The following PARD3B variants were observed in gnomAD, a reference collection of about 807,000 sequenced individuals.
The protein encoded by PARD3B is partitioning defective 3 homolog B.
Under a neutral mutation model 130.2 loss-of-function variants are expected in PARD3B, and 103 were observed. The observed-to-expected ratio is 0.79, with a 90% CI of 0.67 to 0.93. The LOEUF (loss-of-function observed/expected upper bound fraction) is 0.93. Among genes scored for constraint, PARD3B ranks in the 40% least tolerant of loss-of-function variants. The pLI is 0.00. For synonymous variants in PARD3B, 583 were observed against 553.2 expected, an observed-to-expected ratio of 1.05 and a Z score of -0.76; for missense variants, 1,609 against 1,499.2, an observed-to-expected ratio of 1.07 and a Z score of -1.21.
chr2:204,764,715 C>CGTGTGTGTGTGTGTGT (rs10522212), intron 2 of PARD3B, among the ~76,000 whole-genome samples: 7,180 of 145,626 alleles, frequency 0.049, 245 homozygotes, highest in African/African-American at 0.061. Context: ...GGCATGCATG[C>CGTGTGTGTGTGTGTGT]GTGTGTGTGT....
At chr2:204,587,700 T>A (rs753752943) in intron 1 of PARD3B, among the ~76,000 whole-genome samples, 1 of 152,190 alleles carries the variant, frequency 6.6e-6, no homozygotes, top group African/African-American at 2.4e-5. Context: ...ATTGGTTTTT[T>A]ATTTGCTCAT....
intron 2 of PARD3B, among the ~76,000 whole-genome samples, chr2:204,789,520 A>T (rs2125471023): frequency 6.6e-6 from 1 of 152,260 alleles, no homozygotes; most frequent in Admixed American, 6.5e-5. Flanking sequence ...AATCCTTAAA[A>T]CTCACATACA....
Position 204,592,172 on chromosome 2 carries a change from C to T in PARD3B, c.120+46053C>T, listed in dbSNP as rs562259383. On this transcript the variant is annotated intron_variant, in intron 1 of 22. Transcript: ENST00000406610. Reference sequence around the variant, plus strand: ...AGGCCAAAGGTCTGAGGGGACCAACCGCATCAATTTAGGAAACTAGAGTAC... The same window carrying T: ...AGGCCAAAGGTCTGAGGGGACCAACTGCATCAATTTAGGAAACTAGAGTAC... Among the ~76,000 whole-genome samples, 5 of 152,298 alleles carry T rather than the reference C, an allele frequency of 3.3e-5. No homozygotes were observed. In the East Asian group the frequency reaches 7.7e-4, roughly 24 times the overall value.
chr2:204,823,441 T>C (rs938125456), intron 2 of PARD3B, among the ~76,000 whole-genome samples: 2 of 151,930 alleles, frequency 1.3e-5, no homozygotes, highest in Admixed American at 1.3e-4. Context: ...CTATGGTAAA[T>C]ATGGAGATGA....
intron 1 of PARD3B, among the ~76,000 whole-genome samples, chr2:204,653,284 TAAAAAAA>T (rs59994946): frequency 6.8e-6 from 1 of 147,566 alleles, no homozygotes. Flanking sequence ...AAGTTAAAAT[TAAAAAAA>T]AAAAAACCTA....
intron 2 of PARD3B, among the ~76,000 whole-genome samples, chr2:204,706,322 G>T (rs369686592): frequency 1.5e-4 from 23 of 149,576 alleles, no homozygotes; most frequent in African/African-American, 5.7e-4. Context: ...AGCTAAGATC[G>T]CACCACTGCA....
chr2:204,774,039 T>C (rs1288048825), intron 2 of PARD3B, among the ~76,000 whole-genome samples: 1 of 152,012 alleles, frequency 6.6e-6, no homozygotes, highest in African/African-American at 2.4e-5. Context: ...GTAGTTTCCC[T>C]AATAGGAGTT....
chr2:205,342,681 T>C (rs2105813876), intron 18 of PARD3B, among the ~76,000 whole-genome samples: 1 of 152,308 alleles, frequency 6.6e-6, no homozygotes, highest in African/African-American at 2.4e-5. Context: ...GATTACATCA[T>C]GGTATTATTA....
chr2:205,603,110 A>G (rs2054854492), intron 22 of PARD3B, among the ~76,000 whole-genome samples: 1 of 152,082 alleles, frequency 6.6e-6, no homozygotes, highest in South Asian at 2.1e-4. Context: ...CCTTAATTTC[A>G]TTATTTACGC....
intron 1 of PARD3B, among the ~76,000 whole-genome samples, chr2:204,630,625 A>T (rs559604161): frequency 6.6e-6 from 1 of 152,128 alleles, no homozygotes; most frequent in Non-Finnish European, 1.5e-5. Context: ...GGTAAAATGG[A>T]TTCTATTTAA....
At chr2:204,789,118 G>A (rs966014517) in intron 2 of PARD3B, among the ~76,000 whole-genome samples, 1 of 152,106 alleles carries the variant, frequency 6.6e-6, no homozygotes. Context: ...GTGAAGTGGT[G>A]CAATCATAGC....
chr2:204,700,315 T>C (rs964009897), intron 2 of PARD3B, among the ~76,000 whole-genome samples: 1 of 152,154 alleles, frequency 6.6e-6, no homozygotes, highest in African/African-American at 2.4e-5. Flanking sequence ...CATAATAATT[T>C]GGGACTTAGA....
At chr2:205,557,370 C>T (rs1057227709) in intron 22 of PARD3B, among the ~76,000 whole-genome samples, 1 of 152,196 alleles carries the variant, frequency 6.6e-6, no homozygotes, top group Non-Finnish European at 1.5e-5. Flanking sequence ...GATGACTAAA[C>T]TCCCCAAGCC....
intron 16 of PARD3B, among the ~76,000 whole-genome samples, chr2:205,285,848 G>A (rs1235691890): frequency 6.6e-6 from 1 of 152,112 alleles, no homozygotes; most frequent in Non-Finnish European, 1.5e-5. Flanking sequence ...TTGAGAGCAG[G>A]TGTTCACAAA....
At chr2:204,617,267 C>A (rs1040858367) in intron 1 of PARD3B, among the ~76,000 whole-genome samples, 1 of 152,302 alleles carries the variant, frequency 6.6e-6, no homozygotes, top group African/African-American at 2.4e-5. Context: ...ACTTTAATCT[C>A]ATCTTGATTC....
At chr2:204,847,595 G>A (rs917040775) in intron 2 of PARD3B, among the ~76,000 whole-genome samples, 14 of 152,142 alleles carry the variant, frequency 9.2e-5, no homozygotes, top group Non-Finnish European at 1.9e-4. Context: ...CTCACCTGGA[G>A]CGTGAATCAT....
chr2:204,942,102 T>C (rs1394501108), intron 2 of PARD3B, among the ~76,000 whole-genome samples: 2 of 152,162 alleles, frequency 1.3e-5, no homozygotes, highest in African/African-American at 4.8e-5. Context: ...TTGAACTAAG[T>C]TGGGTTTTTC....
chr2:205,561,546 T>G (rs2053137111), intron 22 of PARD3B, among the ~76,000 whole-genome samples: 2 of 152,306 alleles, frequency 1.3e-5, no homozygotes, highest in South Asian at 4.2e-4. Flanking sequence ...AATAAGATGC[T>G]TCATGAGCAT....
At chr2:204,739,579 T>C (rs1350099139) in intron 2 of PARD3B, among the ~76,000 whole-genome samples, 2 of 152,090 alleles carry the variant, frequency 1.3e-5, no homozygotes, top group Non-Finnish European at 2.9e-5. Context: ...CTCAGCCTCC[T>C]GAGTAGCTAG....
Sources: gnomAD v4.1 joint callset for allele counts (sites outside exome capture counted in the v4.1 genomes callset) on GRCh38, gnomAD v4.1.1 for gene constraint, MANE v1.5 for transcripts, NCBI Gene and HGNC (gene_info 2026-07-23, HGNC 2026-07-21) for gene names.